Variants in TARS3 observed in about 807,000 individuals in gnomAD.
TARS3 encodes the protein threonine--tRNA ligase 2, cytoplasmic.
In TARS3, 94 loss-of-function variants were observed where a neutral mutation model predicts 103.5. The ratio of observed to expected loss-of-function variants is 0.91; its 90% CI spans 0.77 to 1.08. TARS3 has a LOEUF of 1.08. Ranked by LOEUF, TARS3 falls within the 50% of genes least tolerant of loss-of-function variation. The pLI, the probability that TARS3 is intolerant of heterozygous loss-of-function variation, is 0.00. For synonymous variants in TARS3, 416 were observed against 355.4 expected (o/e 1.17, Z -1.92); for missense variants, 952 against 995.2 (o/e 0.96, Z 0.58).
rs908873539 is a variant in TARS3, at chr15:101,723,224, AAG to A, written c.298-62_298-61del. 5 of 1,501,608 alleles carry A rather than the reference AAG, an allele frequency of 3.3e-6. No individual in the cohort carries two copies. In the African/African-American group the frequency reaches 5.5e-5, roughly 17 times the overall value. The allele number at this position is 1,501,608 out of a possible 1,614,324, so 93.0% of individuals were successfully genotyped here. ...GCAAGAAAAAGCAACACATTTTAAG[AAG>A]AGAGTCATGCCAGCAGGCTGCAAGT... On this transcript the variant is annotated intron_variant, in intron 1 of 18. Transcript: ENST00000335968.
chr15:101,674,313 C>T (rs1203814236), intron 13 of TARS3, among the ~76,000 whole-genome samples: 3 of 152,086 alleles, frequency 2.0e-5, no homozygotes, highest in Non-Finnish European at 2.9e-5. Context: ...AGTGAAGCCA[C>T]AAAATGCTTC....
intron 18 of TARS3, chr15:101,656,085 C>G (rs932643561): frequency 7.8e-7 from 1 of 1,278,236 alleles, no homozygotes. Context: ...AAGACAGGAA[C>G]GAGAAATGGG....
chr15:101,675,771 A>C (rs1304243247), intron 12 of TARS3, 34 bp from the exon 13 acceptor site: 4 of 1,583,612 alleles, frequency 2.5e-6, no homozygotes, highest in Non-Finnish European at 3.4e-6. Flanking sequence ...TTCAAATAGA[A>C]CATCAAATTC....
At chr15:101,658,235 A>G (rs1037337235) in intron 16 of TARS3, among the ~76,000 whole-genome samples, 1 of 149,030 alleles carries the variant, frequency 6.7e-6, no homozygotes, top group East Asian at 2.0e-4. Flanking sequence ...CAGGAAACAC[A>G]CACCCCAAAT....
intron 1 of TARS3, 73 bp downstream of exon 1, chr15:101,724,018 G>A (rs571716880): frequency 1.5e-6 from 2 of 1,294,360 alleles, no homozygotes; most frequent in African/African-American, 1.6e-5. Context: ...CCCCGCAGTT[G>A]AAAACCTTTC....
intron 18 of TARS3, among the ~76,000 whole-genome samples, chr15:101,656,441 T>C (rs1427776022): frequency 1.3e-5 from 2 of 152,248 alleles, no homozygotes; most frequent in East Asian, 3.8e-4. Context: ...GCCTAAATTT[T>C]AGATTCTGCA....
At position 101,724,429 on chromosome 15, in the gene TARS3, G is replaced by A; in HGVS notation, c.-42C>T. On this transcript the variant is annotated 5_prime_UTR_variant, in exon 1 of 19. Coordinates refer to ENST00000335968, the MANE Select transcript of TARS3 (RefSeq NM_152334.3). ...CACCGACGCCGAGCGGGGTGCCCGC[G>A]ACTGCGGCGAGGGCGACGCGGACAC... 1 of 1,360,698 alleles carries A rather than the reference G, an allele frequency of 7.3e-7. No homozygotes were observed. Among genetic ancestry groups the A allele is most frequent in the Non-Finnish European group, 9.4e-7 (1 of 1,064,126 alleles). The allele number at this position is 1,360,698 out of a possible 1,614,324, so 84.3% of individuals were successfully genotyped here.
chr15:101,703,652 G>A (rs1899395831), intron 8 of TARS3, among the ~76,000 whole-genome samples: 1 of 151,770 alleles, frequency 6.6e-6, no homozygotes, highest in South Asian at 2.1e-4. Flanking sequence ...CTTACAATAA[G>A]GTAAAATGAT....
intron 10 of TARS3, among the ~76,000 whole-genome samples, chr15:101,687,858 C>T (rs1393407446): frequency 6.6e-6 from 1 of 152,120 alleles, no homozygotes; most frequent in African/African-American, 2.4e-5. Context: ...CTCTGGTCCT[C>T]TTTCTGCCAT....
rs764994076 is a variant in TARS3 at position 101,701,195 on chromosome 15, A to G, written c.1222-11T>C. On this transcript the variant is annotated splice_polypyrimidine_tract_variant and intron_variant, in intron 9 of 18. Transcript: ENST00000335968. Reference sequence around the variant, plus strand: ...GAAAAGTTCTTGTTCCTAGATTGAAACAAAAATTGCATTTCAAATGTCATC... The same window carrying G: ...GAAAAGTTCTTGTTCCTAGATTGAAGCAAAAATTGCATTTCAAATGTCATC... 1 of 1,557,428 alleles carries G rather than the reference A, an allele frequency of 6.4e-7. No homozygotes were observed. The highest frequency in any genetic ancestry group is 2.2e-5 in the East Asian group (1 of 44,480).
chr15:101,675,937 G>A (rs1898005404), intron 12 of TARS3, among the ~76,000 whole-genome samples, 200 bp from the exon 13 acceptor site: 1 of 151,976 alleles, frequency 6.6e-6, no homozygotes, highest in Non-Finnish European at 1.5e-5. Context: ...AGAAGGAGTA[G>A]GCGAGGGAAC....
In TARS3 at chr15:101,686,659, T is replaced by C. The variant is rs141016766; in HGVS notation, c.1321-597A>G. ...AAACTTTCTTTAAAAACAAAACAAT[T>C]AGGTGATCTTTGTTGGGTAAATATT... On this transcript the variant is annotated intron_variant, in intron 10 of 18. Coordinates refer to ENST00000335968, the MANE Select transcript of TARS3 (RefSeq NM_152334.3). Among the ~76,000 whole-genome samples, 405 of 152,264 alleles carry C rather than the reference T, an allele frequency of 2.7e-3. 1 individual carries two copies. Among genetic ancestry groups the C allele is most frequent in the Admixed American group, 6.5e-3 (99 of 15,288 alleles).
chr15:101,722,923 C>T (rs558672742), intron 2 of TARS3, among the ~76,000 whole-genome samples, 170 bp downstream of exon 2: 56 of 152,176 alleles, frequency 3.7e-4, no homozygotes, highest in Non-Finnish European at 7.4e-4. Context: ...ATGGGCAGCT[C>T]ATTTCTCAAG....
chr15:101,660,537 C>G (rs1206685928), intron 16 of TARS3, among the ~76,000 whole-genome samples: 1 of 152,192 alleles, frequency 6.6e-6, no homozygotes, highest in Non-Finnish European at 1.5e-5. Flanking sequence ...AGCATGGCAG[C>G]AAAGAAGAGC....
Position 101,724,232 on chromosome 15 carries a change from C to T in TARS3, c.156G>A (p.Arg52=), listed in dbSNP as rs1900653233. 6 of 1,549,506 alleles carry T rather than the reference C, an allele frequency of 3.9e-6. No homozygotes were observed. Among genetic ancestry groups the T allele is most frequent in the Non-Finnish European group, 5.2e-6 (6 of 1,155,018 alleles). The part of the protein sequence containing the change: ...SCQAEGPCLT[R]EVAQLRAENC... ...TCTCGGCCCGGAGCTGCGCCACCTC[C>T]CGCGTGAGGCACGGCCCCTCCGCCT... Residue 52 remains arginine, a synonymous_variant, in exon 1 of 19, where the codon CGG becomes CGA. Coordinates refer to ENST00000335968, the MANE Select transcript of TARS3 (RefSeq NM_152334.3).
intron 4 of TARS3, among the ~76,000 whole-genome samples, chr15:101,712,383 G>A (rs1439717743): frequency 4.6e-5 from 7 of 152,200 alleles, no homozygotes; most frequent in Non-Finnish European, 1.0e-4. Context: ...AGTGCCAGAT[G>A]CTAGCTGTCT....
In TARS3 at chr15:101,701,151, G is replaced by T; in HGVS notation, c.1255C>A (p.Pro419Thr). 1 of 1,597,286 alleles carries T rather than the reference G, an allele frequency of 6.3e-7. No homozygotes were observed. ...CTGGGAAGGAAAAAACAGCTTCCAG[G>T]ACTCAAATCGTGGAAAAAGAAAAGT... ...QELFFFHDLS[P>T]GSCFFLPRGA... Residue 419 changes from proline to threonine, a missense_variant, in exon 10 of 19, where the codon CCT becomes ACT. Pro to Thr is a conservative substitution (Grantham distance 38). Around this residue, in one of 2 missense-constraint regions of TARS3, gnomAD observed 540 missense variants for 631.0 expected, o/e 0.86. Transcript: ENST00000335968.
chr15:101,688,137 A>G (rs1224922268), intron 10 of TARS3, among the ~76,000 whole-genome samples: 1 of 152,210 alleles, frequency 6.6e-6, no homozygotes, highest in Non-Finnish European at 1.5e-5. Context: ...GTATCTCTCC[A>G]TATTGTAATA....
intron 15 of TARS3, among the ~76,000 whole-genome samples, chr15:101,671,040 C>G (rs947207203): frequency 6.6e-6 from 1 of 151,582 alleles, no homozygotes; most frequent in African/African-American, 2.4e-5. Context: ...GAATCATAAC[C>G]ATCAAGCTGT....
Sources: gnomAD v4.1 joint callset for allele counts (sites outside exome capture counted in the v4.1 genomes callset) on GRCh38, gnomAD v4.1.1 for gene constraint, gnomAD v4.1.1 regional missense constraint, MANE v1.5 for transcripts, NCBI Gene and HGNC (gene_info 2026-07-23, HGNC 2026-07-21) for gene names.